The following PRAG1 variants were observed in gnomAD, a reference collection of about 807,000 sequenced individuals.
The protein encoded by PRAG1 is PEAK1 related, kinase-activating pseudokinase 1, also known as inactive tyrosine-protein kinase PRAG1.
Under a neutral mutation model 95.6 loss-of-function variants are expected in PRAG1, and 110 were observed. That is an observed-to-expected ratio of 1.15 (90% CI 0.99 to 1.35). The LOEUF (loss-of-function observed/expected upper bound fraction) is 1.35. Ranked by LOEUF, PRAG1 falls within the 40% of genes most tolerant of loss-of-function variation. PRAG1 has a pLI of 0.00. For synonymous variants in PRAG1, 1,052 were observed against 819.4 expected, an observed-to-expected ratio of 1.28 and a Z score of -4.85; for missense variants, 2,554 against 1,864.7, an observed-to-expected ratio of 1.37 and a Z score of -6.81.
intron 3 of PRAG1, among the ~76,000 whole-genome samples, chr8:8,368,705 C>T (rs1024089621): frequency 6.6e-4 from 101 of 152,228 alleles, no homozygotes; most frequent in African/African-American, 2.3e-3. Context: ...GTCCCTCTGA[C>T]GACGTCAGGG....
At chr8:8,383,529 C>T (rs535526612) in intron 1 of PRAG1, among the ~76,000 whole-genome samples, 8 of 152,114 alleles carry the variant, frequency 5.3e-5, no homozygotes, top group Admixed American at 5.2e-4. Context: ...TGCAGTGAGC[C>T]ATGATCACAC....
intron 5 of PRAG1, among the ~76,000 whole-genome samples, chr8:8,322,427 C>T (rs979955327): frequency 6.6e-6 from 1 of 152,112 alleles, no homozygotes; most frequent in Admixed American, 6.5e-5. Context: ...GGTGATCCAG[C>T]TTGGGCCATT....
In PRAG1 at chr8:8,376,987, G is replaced by A. The variant is rs762948395; in HGVS notation, c.1422C>T (p.Ile474=). The change falls in exon 3 of 6, where the codon ATC becomes ATT. Residue 474 remains isoleucine, a synonymous_variant. Coordinates refer to ENST00000615670, the MANE Select transcript of PRAG1 (RefSeq NM_001080826.3). The part of the protein sequence containing the change: ...PDPTPQVSAT[I]TVMAAHPEED... ...CTTCCGGGTGGGCCGCCATGACTGT[G>A]ATGGTGGCTGACACCTGGGGAGTTG... The A allele has an allele frequency of 1.9e-6, 3 of 1,613,752 alleles. No homozygotes were observed. The highest frequency in any genetic ancestry group is 1.3e-5 in the African/African-American group (1 of 75,068).
chr8:8,325,676 C>T (rs1272372241), intron 5 of PRAG1, among the ~76,000 whole-genome samples: 1 of 151,924 alleles, frequency 6.6e-6, no homozygotes, highest in Non-Finnish European at 1.5e-5. Flanking sequence ...TTTCGGAGGC[C>T]GAGGCAGGTG....
chr8:8,372,439 A>T (rs1000028544), intron 3 of PRAG1, among the ~76,000 whole-genome samples: 2 of 152,220 alleles, frequency 1.3e-5, no homozygotes, highest in Non-Finnish European at 2.9e-5. Context: ...TCTGCCTTAT[A>T]TTGGGACAGG....
intron 3 of PRAG1, among the ~76,000 whole-genome samples, chr8:8,360,376 A>T (rs918318176): frequency 3.2e-4 from 48 of 151,972 alleles, no homozygotes; most frequent in African/African-American, 1.1e-3. Flanking sequence ...TAAAATACTG[A>T]CCTTGCCTTC....
At chr8:8,375,502 A>T (rs557349787) in intron 3 of PRAG1, among the ~76,000 whole-genome samples, 12 of 150,736 alleles carry the variant, frequency 8.0e-5, no homozygotes, top group African/African-American at 2.9e-4. Flanking sequence ...GCCCAGCCCC[A>T]TTTTTTTCTT....
At chr8:8,370,071 T>C (rs1053436979) in intron 3 of PRAG1, among the ~76,000 whole-genome samples, 1 of 152,228 alleles carries the variant, frequency 6.6e-6, no homozygotes, top group South Asian at 2.1e-4. Flanking sequence ...GAATCTCTAA[T>C]TGCTAGCCTT....
chr8:8,369,440 A>C (rs184920493), intron 3 of PRAG1, among the ~76,000 whole-genome samples: 1 of 152,200 alleles, frequency 6.6e-6, no homozygotes, highest in Non-Finnish European at 1.5e-5. Context: ...ATCTGGTTTT[A>C]GGATACACTG....
At chr8:8,322,801 T>C (rs371753645) in intron 5 of PRAG1, among the ~76,000 whole-genome samples, 1 of 152,284 alleles carries the variant, frequency 6.6e-6, no homozygotes, top group African/African-American at 2.4e-5. Flanking sequence ...CAGAAAATCT[T>C]TGAATCCACC....
intron 3 of PRAG1, among the ~76,000 whole-genome samples, chr8:8,347,696 G>A (rs948027991): frequency 7.2e-5 from 11 of 152,254 alleles, no homozygotes; most frequent in South Asian, 2.1e-4. Flanking sequence ...TGTGCCAAGC[G>A]CTGTTAGGTG....
In PRAG1 at chr8:8,318,875, G is replaced by A; in HGVS notation, c.3500C>T (p.Ala1167Val). 2 of 1,365,104 alleles carry A rather than the reference G, an allele frequency of 1.5e-6. No homozygotes were observed. Among genetic ancestry groups the A allele is most frequent in the Non-Finnish European group, 1.9e-6 (2 of 1,048,906 alleles). 84.6% of individuals were successfully genotyped at this position (1,365,104 alleles called of 1,614,324 possible). Residue 1167 changes from alanine to valine, a missense_variant, in exon 6 of 6, where the codon GCC becomes GTC. By Grantham distance (64) the Ala-to-Val change is moderately conservative. Transcript: ENST00000615670. This position sits in a 1 kb window ranked among gnomAD's most constrained non-coding sequence, Gnocchi z 4.2. ...TLQAGPGPAP[A>V]PAPAPAPAAA... ...GGCGGGGGCGGGAGCCGGGGCGGGG[G>A]CGGGGGCGGGCCCGGGGCCGGCCTG... is the stretch of plus-strand genomic sequence containing the variant.
chr8:8,378,193 G>A, intron 2 of PRAG1, 115 bp from the exon 3 acceptor site: 3 of 1,240,540 alleles, frequency 2.4e-6, no homozygotes, highest in South Asian at 1.6e-5. Flanking sequence ...CTGTAGTGCA[G>A]TGCAGGGGCG....
chr8:8,358,767 C>T (rs1799759226), intron 3 of PRAG1, among the ~76,000 whole-genome samples: 2 of 152,224 alleles, frequency 1.3e-5, no homozygotes, highest in African/African-American at 2.4e-5. Context: ...TGGGTGAAGT[C>T]CCTATTGCTT....
chr8:8,366,085 T>A (rs2116904152), intron 3 of PRAG1, among the ~76,000 whole-genome samples: 1 of 152,224 alleles, frequency 6.6e-6, no homozygotes, highest in South Asian at 2.1e-4. Flanking sequence ...AGGAAAATAA[T>A]CCTTTAAATA....
At chr8:8,381,317 G>C (rs1483759622) in intron 2 of PRAG1, 101 bp downstream of exon 2, 1 of 1,184,440 alleles carries the variant, frequency 8.4e-7, no homozygotes, top group Non-Finnish European at 1.2e-6. Context: ...CTATCCTGCA[G>C]GTTTCTTGCT....
In PRAG1 at chr8:8,318,330, C is replaced by T. The variant is rs779727371; in HGVS notation, c.4045G>A (p.Gly1349Ser). The T allele has an allele frequency of 7.4e-6, 12 of 1,614,128 alleles. No homozygotes were observed. Among genetic ancestry groups the T allele is most frequent in the East Asian group, 2.2e-5 (1 of 44,872 alleles). The change falls in exon 6 of 6, where the codon GGC (glycine) becomes AGC (serine). Residue 1349 changes from glycine to serine, a missense_variant. Transcript: ENST00000615670. This position sits in a 1 kb window ranked among gnomAD's most constrained non-coding sequence, Gnocchi z 4.2. ...ATGTCGATCCAGTTGTGCAGCGTGC[C>T]GCACAGCGCCTCCTCCGAGGTGCCC... ...QPGTSEEALC[G>S]TLHNWIDMKR...
At chr8:8,374,742 T>A (rs540168343) in intron 3 of PRAG1, 1 of 983,816 alleles carries the variant, frequency 1.0e-6, no homozygotes, top group East Asian at 1.1e-4. Flanking sequence ...CTGTTCTCCA[T>A]GGTGGGCGGC....
rs745665420 is a variant in PRAG1, at chr8:8,377,245, G to C, written c.1164C>G (p.Ser388Arg). Residue 388 changes from serine to arginine, a missense_variant, in exon 3 of 6, where the codon AGC becomes AGG. Transcript: ENST00000615670. ...GCTCCCCCGTCAGCCCAAGGCATCT[G>C]CTAGGGGTCACCCCTGGGCAGCCAG... is the stretch of plus-strand genomic sequence containing the variant. Reference protein sequence around the residue: ...QDPGCPGVTPSRCLGLTGEPQ... With the variant: ...QDPGCPGVTPRRCLGLTGEPQ... 2.9e-5 allele frequency: 46 copies of C among 1,612,730 alleles called. No homozygotes were observed. The highest frequency in any genetic ancestry group is 3.6e-5 in the Non-Finnish European group (42 of 1,179,984).
Sources: gnomAD v4.1 joint callset for allele counts (sites outside exome capture counted in the v4.1 genomes callset) on GRCh38, gnomAD v4.1.1 for gene constraint, Gnocchi (gnomAD v3.1) non-coding constraint, MANE v1.5 for transcripts, NCBI Gene and HGNC (gene_info 2026-07-23, HGNC 2026-07-21) for gene names.